The following NCOA6 variants were observed in gnomAD, a reference collection of about 807,000 sequenced individuals.
NCOA6 encodes the protein nuclear receptor coactivator 6, also known as NRC RAP250.
A neutral mutation model predicts 171.4 loss-of-function variants in NCOA6; 49 were observed. That is an observed-to-expected ratio of 0.29 (90% CI 0.23 to 0.36). The LOEUF (loss-of-function observed/expected upper bound fraction) is 0.36. Ranked by LOEUF, NCOA6 falls within the 10% of genes least tolerant of loss-of-function variation. The pLI, the probability that NCOA6 is intolerant of heterozygous loss-of-function variation, is 1.00. For missense variants in NCOA6, 2,248 were observed against 2,554.5 expected, an observed-to-expected ratio of 0.88 and a Z score of 2.59; for synonymous variants, 910 against 927.5, an observed-to-expected ratio of 0.98 and a Z score of 0.34.
At chr20:34,740,286 A>AG (rs2076092314) in intron 11 of NCOA6, 77 bp downstream of exon 11, 1 of 1,508,216 alleles carries the variant, frequency 6.6e-7, no homozygotes, top group African/African-American at 1.4e-5. Flanking sequence ...CAAGTAAAAA[A>AG]GGAGTCATGC....
chr20:34,753,608 C>T (rs367578484), intron 8 of NCOA6, among the ~76,000 whole-genome samples: 6 of 151,510 alleles, frequency 4.0e-5, no homozygotes, highest in Admixed American at 1.3e-4. Flanking sequence ...TGCAGTGAGC[C>T]GATATTGAGC....
intron 13 of NCOA6, among the ~76,000 whole-genome samples, chr20:34,727,748 G>C (rs1284322278): frequency 7.1e-6 from 1 of 141,668 alleles, no homozygotes; most frequent in Non-Finnish European, 1.5e-5. Flanking sequence ...TTTCCAGACA[G>C]AGTGTCACTC....
At chr20:34,777,313 G>A (rs1464066466) in intron 3 of NCOA6, among the ~76,000 whole-genome samples, 1 of 151,942 alleles carries the variant, frequency 6.6e-6, no homozygotes, top group Non-Finnish European at 1.5e-5. Flanking sequence ...AAGATACGGA[G>A]AAATAGAACC....
At chr20:34,784,103 T>C (rs1221516847) in intron 2 of NCOA6, among the ~76,000 whole-genome samples, 2 of 152,312 alleles carry the variant, frequency 1.3e-5, no homozygotes, top group South Asian at 2.1e-4. Context: ...GGTAGGATCA[T>C]TGATAAATTT....
intron 1 of NCOA6, among the ~76,000 whole-genome samples, chr20:34,812,015 C>T (rs950899378): frequency 2.0e-5 from 3 of 151,756 alleles, no homozygotes; most frequent in Admixed American, 6.6e-5. Context: ...TTTGGGAGGC[C>T]GAGGTGGGAG....
intron 8 of NCOA6, 42 bp from the exon 9 acceptor site, chr20:34,750,561 T>G: frequency 6.6e-7 from 1 of 1,520,738 alleles, no homozygotes; most frequent in Non-Finnish European, 8.8e-7. Context: ...ATAAATATTT[T>G]TATCTTATTG....
chr20:34,768,385 A>G (rs2077042923), intron 5 of NCOA6, 79 bp downstream of exon 5: 1 of 1,561,890 alleles, frequency 6.4e-7, no homozygotes, highest in Admixed American at 1.8e-5. Flanking sequence ...ACCCCCACCT[A>G]TCTTGCAGGG....
chr20:34,731,325 C>T (rs1057496362), intron 13 of NCOA6, among the ~76,000 whole-genome samples: 3 of 152,164 alleles, frequency 2.0e-5, no homozygotes, highest in Non-Finnish European at 4.4e-5. Flanking sequence ...CAGCCTCATT[C>T]TAGATTCTTG....
In NCOA6 at chr20:34,811,106, G is replaced by A. The variant is rs776792730; in HGVS notation, c.-164+14366C>T. On this transcript the variant is annotated intron_variant, in intron 1 of 14. Transcript: ENST00000359003. ...CTCTGGTCTAAGAGTATTAAAATGA[G>A]AGGATGAACACCAGAGCTAGGACTA... 1.1e-4 allele frequency among the ~76,000 whole-genome samples: 16 copies of A among 149,122 alleles called. 1 individual carries two copies. Among genetic ancestry groups the A allele is most frequent in the Non-Finnish European group, 5.9e-5 (4 of 67,538 alleles).
At chr20:34,755,686 A>C (rs1401247352) in intron 7 of NCOA6, among the ~76,000 whole-genome samples, 1 of 152,216 alleles carries the variant, frequency 6.6e-6, no homozygotes, top group Non-Finnish European at 1.5e-5. Flanking sequence ...GAAAGCATCA[A>C]GACCTAAACT....
chr20:34,786,645 T>C (rs1330603896), intron 2 of NCOA6, among the ~76,000 whole-genome samples: 2 of 152,150 alleles, frequency 1.3e-5, no homozygotes, highest in Non-Finnish European at 2.9e-5. Context: ...TTCCATATAG[T>C]TGTGTGGTTA....
intron 1 of NCOA6, among the ~76,000 whole-genome samples, chr20:34,816,328 A>G (rs543948921): frequency 6.6e-5 from 10 of 152,278 alleles, no homozygotes; most frequent in Middle Eastern, 3.4e-3. Context: ...TGATTTGGAA[A>G]CAGAGTCGCT....
In NCOA6 at chr20:34,742,041, C is replaced by A; in HGVS notation, c.4215G>T (p.Val1405=). 2 of 1,614,146 alleles carry A rather than the reference C, an allele frequency of 1.2e-6. No individual in the cohort carries two copies. The highest frequency in any genetic ancestry group is 1.7e-6 in the Non-Finnish European group (2 of 1,180,024). The change falls in exon 11 of 15, where the codon GTG becomes GTT. Residue 1405 remains valine (V), a synonymous_variant. Coordinates refer to ENST00000359003, the MANE Select transcript of NCOA6 (RefSeq NM_014071.5). ...CCTCAACAACACCCCCAACTGCAGC[C>A]ACAGACACAGTAGAATTCTGAGGAT... ...GLNPQNSTVS[V]AAVGGVVEDN... is the part of the protein sequence containing the mutation.
intron 7 of NCOA6, among the ~76,000 whole-genome samples, chr20:34,755,963 C>T (rs532474266): frequency 6.6e-6 from 1 of 152,210 alleles, no homozygotes; most frequent in African/African-American, 2.4e-5. Flanking sequence ...TCTCGAACTC[C>T]TGACCTCAGG....
Position 34,740,394 on chromosome 20 carries a change from C to T in NCOA6, c.5862G>A (p.Val1954=), listed in dbSNP as rs752700740. ...SLAGGLVEEK[V]GSHPELLPSI... ...TGGGTAGAAGTTCTGGATGGGATCC[C>T]ACCTTCTCCTCCACTAGGCCACCCG... Residue 1954 remains valine, a synonymous_variant, in exon 11 of 15, where the codon GTG becomes GTA. Transcript: ENST00000359003. The T allele has an allele frequency of 6.2e-7, 1 of 1,614,124 alleles. No individual in the cohort carries two copies.
Position 34,740,517 on chromosome 20 carries a change from A to G in NCOA6, c.5739T>C (p.Ser1913=). The change falls in exon 11 of 15, where the codon AGT becomes AGC. Residue 1913 remains serine (S), a synonymous_variant. Coordinates refer to ENST00000359003, the MANE Select transcript of NCOA6 (RefSeq NM_014071.5). The part of the protein sequence containing the change: ...PSLPGGALPT[S]VRSIVTTLVP... ...CCAGAGTGGTTACTATCGAGCGTACACTGGTGGGGAGAGCACCGCCAGGTA... is the reference window on the plus strand; with the variant it reads ...CCAGAGTGGTTACTATCGAGCGTACGCTGGTGGGGAGAGCACCGCCAGGTA... 1.9e-6 allele frequency: 3 copies of G among 1,614,174 alleles called. No individual in the cohort carries two copies. The highest frequency in any genetic ancestry group is 2.5e-6 in the Non-Finnish European group (3 of 1,180,020).
At chr20:34,781,160 G>A (rs886449346) in intron 3 of NCOA6, among the ~76,000 whole-genome samples, 2 of 152,136 alleles carry the variant, frequency 1.3e-5, no homozygotes, top group African/African-American at 4.8e-5. Flanking sequence ...TAACTATGGA[G>A]AACCTTGTAC....
intron 4 of NCOA6, among the ~76,000 whole-genome samples, chr20:34,770,073 C>A (rs961339018): frequency 1.6e-4 from 24 of 151,070 alleles, no homozygotes; most frequent in Non-Finnish European, 2.1e-4. Context: ...TGGAGTCTCG[C>A]TCTGTCGCCA....
At chr20:34,759,475 G>C (rs1335287262) in intron 5 of NCOA6, among the ~76,000 whole-genome samples, 1 of 152,090 alleles carries the variant, frequency 6.6e-6, no homozygotes, top group African/African-American at 2.4e-5. Context: ...TGCAATTGTG[G>C]TTAACAGTTC....
Sources: gnomAD v4.1 joint callset for allele counts (sites outside exome capture counted in the v4.1 genomes callset) on GRCh38, gnomAD v4.1.1 for gene constraint, MANE v1.5 for transcripts, NCBI Gene and HGNC (gene_info 2026-07-23, HGNC 2026-07-21) for gene names.